Variants in SEPTIN14 observed in about 807,000 individuals in gnomAD.
SEPTIN14 encodes septin-14.
A neutral mutation model predicts 53.6 loss-of-function variants in SEPTIN14; 40 were observed. That is an observed-to-expected ratio of 0.75 (90% CI 0.58 to 0.97). The LOEUF (loss-of-function observed/expected upper bound fraction) is 0.97, where lower values mean the gene tolerates loss of function less well. Ranked by LOEUF, SEPTIN14 falls within the 50% of genes least tolerant of loss-of-function variation. SEPTIN14 has a pLI of 0.00. For missense variants in SEPTIN14, 471 were observed against 508.2 expected (o/e 0.93, Z 0.70); for synonymous variants, 138 against 166.8 (o/e 0.83, Z 1.33).
intron 7 of SEPTIN14, among the ~76,000 whole-genome samples, chr7:55,814,341 CA>C (rs1207049648): frequency 6.6e-6 from 1 of 152,138 alleles, no homozygotes; most frequent in East Asian, 1.9e-4. Context: ...AACATGACCT[CA>C]CCAAATGAAC....
intron 9 of SEPTIN14, among the ~76,000 whole-genome samples, chr7:55,802,682 T>C (rs1385965011): frequency 1.3e-5 from 2 of 151,844 alleles, no homozygotes; most frequent in Admixed American, 1.3e-4. Flanking sequence ...TTAACTTGGG[T>C]CTGACAATGA....
At chr7:55,857,089 C>G (rs1423945841) in intron 2 of SEPTIN14, among the ~76,000 whole-genome samples, 17 of 151,152 alleles carry the variant, frequency 1.1e-4, no homozygotes, top group Admixed American at 1.1e-3. Context: ...AAAAAGAAAA[C>G]AGGATGGGCG....
At chr7:55,852,186 A>C (rs1347304563) in intron 2 of SEPTIN14, among the ~76,000 whole-genome samples, 1 of 151,948 alleles carries the variant, frequency 6.6e-6, no homozygotes, top group Non-Finnish European at 1.5e-5. Flanking sequence ...TAGAAAAAAT[A>C]ATCCTAAAAT....
intron 6 of SEPTIN14, among the ~76,000 whole-genome samples, chr7:55,829,088 A>G (rs1789042684): frequency 6.6e-6 from 1 of 151,862 alleles, no homozygotes; most frequent in Non-Finnish European, 1.5e-5. Flanking sequence ...GAAAATTGAT[A>G]TGGTGCTAGG....
intron 2 of SEPTIN14, among the ~76,000 whole-genome samples, chr7:55,847,411 TG>T (rs1789433946): frequency 6.6e-6 from 1 of 152,160 alleles, no homozygotes; most frequent in South Asian, 2.1e-4. Flanking sequence ...GATGAGGCTA[TG>T]TCCCAAGAAA....
chr7:55,829,000 CTT>C lies in SEPTIN14; in HGVS notation c.720+5423_720+5424del, dbSNP rs1431689388. 3.3e-5 allele frequency among the ~76,000 whole-genome samples: 5 copies of C among 150,854 alleles called. No homozygotes were observed. The South Asian group carries it at 1.0e-3, about 31-fold the overall frequency. Reference sequence around the variant, plus strand: ...TACATAATTTCCGATTTATTGAACTCTTGATTATTTATTTAAATTTACTTTTT... The same window carrying C: ...TACATAATTTCCGATTTATTGAACTCGATTATTTATTTAAATTTACTTTTT... On this transcript the variant is annotated intron_variant, in intron 6 of 9. Transcript: ENST00000388975.
At chr7:55,805,455 G>A (rs73130801) in intron 8 of SEPTIN14, 65 bp from the exon 9 acceptor site, 325,313 of 1,253,470 alleles carry the variant, frequency 0.26, 45,064 homozygotes, top group Middle Eastern at 0.28. Flanking sequence ...GAACCCAGGA[G>A]GCGGAGTTTG....
At chr7:55,829,842 A>AAAAC (rs1789064306) in intron 6 of SEPTIN14, among the ~76,000 whole-genome samples, 2 of 149,486 alleles carry the variant, frequency 1.3e-5, no homozygotes, top group Admixed American at 1.3e-4. Flanking sequence ...AAAAAAAAAA[A>AAAAC]AAGCCTCTTC....
intron 2 of SEPTIN14, among the ~76,000 whole-genome samples, chr7:55,856,068 C>T (rs1213693720): frequency 1.3e-5 from 2 of 152,010 alleles, no homozygotes; most frequent in African/African-American, 4.8e-5. Context: ...ACTGAATGTG[C>T]TGAGTTGGGG....
At chr7:55,807,337 T>G in intron 7 of SEPTIN14, 79 bp from the exon 8 acceptor site, 2 of 874,602 alleles carry the variant, frequency 2.3e-6, no homozygotes, top group Non-Finnish European at 3.5e-6. Flanking sequence ...AATGAATACA[T>G]GAATAAAAAA....
chr7:55,861,059 T>A (rs1466462156), intron 2 of SEPTIN14, among the ~76,000 whole-genome samples: 3 of 152,230 alleles, frequency 2.0e-5, no homozygotes, highest in African/African-American at 7.2e-5. Flanking sequence ...GGATCCCTTC[T>A]AATCCTAAAA....
chr7:55,807,183 T>C lies in SEPTIN14; in HGVS notation c.893A>G (p.Glu298Gly), dbSNP rs755230198. The C allele has an allele frequency of 5.0e-6, 8 of 1,611,004 alleles. No individual in the cohort carries two copies. In the South Asian group the frequency reaches 8.9e-5, roughly 18 times the overall value. ...TTCATAGTGCTGAGTGTGGGTTTTT[T>C]CTTTTAGATTTTCCATATTGGTACA... ...LLCTNMENLK[E>G]KTHTQHYECY... Residue 298 changes from glutamate to glycine, a missense_variant, in exon 8 of 10, where the codon GAA (glutamate) becomes GGA (glycine). By Grantham distance (98) the Glu-to-Gly change is moderately conservative. Transcript: ENST00000388975.
In SEPTIN14 at chr7:55,834,635, TTTTTTTG is replaced by T. The variant is rs372463867; in HGVS notation, c.559-56_559-50del. On this transcript the variant is annotated intron_variant, in intron 5 of 9. Coordinates refer to ENST00000388975, the MANE Select transcript of SEPTIN14 (RefSeq NM_207366.3). ...AATCTCATCATTGTTCATCTCACAG[TTTTTTTG>T]TTTTTTGTTTTTTGTTTTGAGACGG... 141 of 1,482,048 alleles carry T rather than the reference TTTTTTTG, an allele frequency of 9.5e-5. No homozygotes were observed. In the African/African-American group the frequency reaches 1.2e-3, roughly 13 times the overall value. 91.8% of individuals were successfully genotyped at this position (1,482,048 alleles called of 1,614,324 possible). A position where few individuals can be genotyped will look rare whatever the true frequency, so the allele number is the denominator to read the frequency against.
At chr7:55,832,754 T>G (rs1789131024) in intron 6 of SEPTIN14, among the ~76,000 whole-genome samples, 1 of 151,952 alleles carries the variant, frequency 6.6e-6, no homozygotes, top group Non-Finnish European at 1.5e-5. Context: ...AGGGAGAGAC[T>G]GGGAGGAGGC....
At chr7:55,821,482 G>A (rs182287336) in intron 6 of SEPTIN14, among the ~76,000 whole-genome samples, 1 of 152,188 alleles carries the variant, frequency 6.6e-6, no homozygotes, top group African/African-American at 2.4e-5. Context: ...TAATCCCAAG[G>A]GACCTGAATA....
rs534789883 is a variant in SEPTIN14, at chr7:55,850,326, C to T, written c.55-3689G>A. Among the ~76,000 whole-genome samples the T allele has an allele frequency of 5.9e-5, 9 of 152,114 alleles. No individual in the cohort carries two copies. The East Asian group carries it at 9.7e-4, about 16-fold the overall frequency. ...TCTCTACTAAACACAAAAAATTAGC[C>T]GGGCATGGTGGCACGTGCCTGTAAT... is the stretch of plus-strand genomic sequence containing the variant. On this transcript the variant is annotated intron_variant, in intron 2 of 9. Coordinates refer to ENST00000388975, the MANE Select transcript of SEPTIN14 (RefSeq NM_207366.3).
intron 7 of SEPTIN14, among the ~76,000 whole-genome samples, chr7:55,811,630 T>C (rs1788707931): frequency 2.2e-5 from 3 of 134,624 alleles, no homozygotes; most frequent in South Asian, 2.5e-4. Context: ...GCCCCCCAGG[T>C]AGCTGAGACT....
intron 9 of SEPTIN14, among the ~76,000 whole-genome samples, chr7:55,803,779 G>C (rs1236121907): frequency 6.6e-6 from 1 of 152,030 alleles, no homozygotes; most frequent in Non-Finnish European, 1.5e-5. Context: ...GGGAGAGAAA[G>C]AGAAAATTTA....
intron 9 of SEPTIN14, among the ~76,000 whole-genome samples, chr7:55,796,327 G>A (rs1042468974): frequency 6.6e-5 from 10 of 151,716 alleles, no homozygotes; most frequent in Non-Finnish European, 8.8e-5. Flanking sequence ...GCAGTGGCGC[G>A]ATCTCAGCTC....
Sources: gnomAD v4.1 joint callset for allele counts (sites outside exome capture counted in the v4.1 genomes callset) on GRCh38, gnomAD v4.1.1 for gene constraint, MANE v1.5 for transcripts, NCBI Gene and HGNC (gene_info 2026-07-23, HGNC 2026-07-21) for gene names.